UGT8: variants seen among roughly 807,000 people sequenced by gnomAD.
UGT8 encodes 2-hydroxyacylsphingosine 1-beta-galactosyltransferase.
In UGT8, 12 loss-of-function variants were observed where a neutral mutation model predicts 40.5. The observed-to-expected ratio is 0.30, with a 90% confidence interval of 0.19 to 0.48. The LOEUF is 0.48. UGT8 is among the 20% of genes least tolerant of loss of function. The probability of loss-of-function intolerance (pLI) is 0.99; values close to 1 mark genes in which losing one functional copy is unlikely to be tolerated. For synonymous variants in UGT8, 224 were observed against 240.4 expected (o/e 0.93, Z 0.63); for missense variants, 513 against 648.7 (o/e 0.79, Z 2.27).
chr4:114,605,693 G>T (rs556554222), intron 1 of UGT8, among the ~76,000 whole-genome samples: 1 of 152,200 alleles, frequency 6.6e-6, no homozygotes, highest in African/African-American at 2.4e-5. Flanking sequence ...ATGTGCACAT[G>T]AATTTACAAA....
intron 1 of UGT8, among the ~76,000 whole-genome samples, chr4:114,619,750 A>T (rs1244213913): frequency 1.3e-5 from 2 of 151,906 alleles, no homozygotes; most frequent in African/African-American, 4.8e-5. Flanking sequence ...AGATTTGCAG[A>T]TGGTAATAAT....
At chr4:114,602,333 G>A (rs1424175459) in intron 1 of UGT8, among the ~76,000 whole-genome samples, 2 of 152,154 alleles carry the variant, frequency 1.3e-5, no homozygotes, top group African/African-American at 4.8e-5. Flanking sequence ...TTCTACCCCG[G>A]AAGTCCAGAA....
At chr4:114,613,728 A>G (rs887290402) in intron 1 of UGT8, among the ~76,000 whole-genome samples, 1 of 152,144 alleles carries the variant, frequency 6.6e-6, no homozygotes, top group Middle Eastern at 3.2e-3. Context: ...GGAGAATTGC[A>G]TAAATATCCC....
At chr4:114,636,773 C>G (rs998769638) in intron 2 of UGT8, among the ~76,000 whole-genome samples, 2 of 152,128 alleles carry the variant, frequency 1.3e-5, no homozygotes, top group Non-Finnish European at 2.9e-5. Flanking sequence ...CATTGGAACC[C>G]TGTGGCCACA....
chr4:114,619,910 A>G (rs1731677887), intron 1 of UGT8, among the ~76,000 whole-genome samples: 1 of 151,544 alleles, frequency 6.6e-6, no homozygotes. Flanking sequence ...TGTATTGCTT[A>G]GTTTGTTTTC....
In UGT8 at chr4:114,616,441, C is replaced by T. The variant is rs573981756; in HGVS notation, c.-2-6438C>T. Reference sequence around the variant, plus strand: ...CTCCTGGTGTGCTGTTTGCTAAGACCGTTGGAAAAGTGCAGTATTAGGGTG... The same window carrying T: ...CTCCTGGTGTGCTGTTTGCTAAGACTGTTGGAAAAGTGCAGTATTAGGGTG... On this transcript the variant is annotated intron_variant, in intron 1 of 5. Coordinates refer to ENST00000310836, the MANE Select transcript of UGT8 (RefSeq NM_001128174.3). Among the ~76,000 whole-genome samples, 10 of 152,268 alleles carry T rather than the reference C, an allele frequency of 6.6e-5. No individual in the cohort carries two copies. The East Asian group carries it at 1.4e-3, about 21-fold the overall frequency.
At chr4:114,650,189 C>G (rs10008981) in intron 2 of UGT8, among the ~76,000 whole-genome samples, 27,053 of 152,126 alleles carry the variant, frequency 0.18, 2,602 homozygotes, top group Middle Eastern at 0.22. Flanking sequence ...TTTGGAGTTG[C>G]ATTATTTCAG....
chr4:114,622,842 T>C (rs1314114130), intron 1 of UGT8, 37 bp from the exon 2 acceptor site: 2 of 1,536,594 alleles, frequency 1.3e-6, no homozygotes, highest in Non-Finnish European at 1.8e-6. Flanking sequence ...GTGAGCATTG[T>C]ATTTTGTTTT....
chr4:114,650,983 C>T (rs1733864776), intron 2 of UGT8, among the ~76,000 whole-genome samples: 1 of 151,906 alleles, frequency 6.6e-6, no homozygotes, highest in East Asian at 1.9e-4. Context: ...TATAGACTTT[C>T]CTACCTGAAA....
At chr4:114,645,664 C>T (rs987323679) in intron 2 of UGT8, among the ~76,000 whole-genome samples, 2 of 152,036 alleles carry the variant, frequency 1.3e-5, no homozygotes, top group African/African-American at 4.8e-5. Flanking sequence ...GAAAAACCTG[C>T]TTATACTAAA....
At chr4:114,639,869 G>T (rs758399293) in intron 2 of UGT8, among the ~76,000 whole-genome samples, 1 of 152,180 alleles carries the variant, frequency 6.6e-6, no homozygotes, top group Non-Finnish European at 1.5e-5. Context: ...TGGAGGAGAA[G>T]GGGATCATAT....
chr4:114,600,201 G>C (rs1051585756), intron 1 of UGT8, among the ~76,000 whole-genome samples: 1 of 152,114 alleles, frequency 6.6e-6, no homozygotes, highest in Non-Finnish European at 1.5e-5. Flanking sequence ...TTATGAGCCA[G>C]TGTTAGCAGT....
chr4:114,664,707 A>G (rs547210438), intron 3 of UGT8, among the ~76,000 whole-genome samples: 3 of 152,354 alleles, frequency 2.0e-5, no homozygotes, highest in African/African-American at 7.2e-5. Context: ...AGGCATTGCC[A>G]GCACATGACT....
intron 2 of UGT8, among the ~76,000 whole-genome samples, chr4:114,642,541 T>G (rs1733291765): frequency 6.6e-6 from 1 of 152,164 alleles, no homozygotes; most frequent in Non-Finnish European, 1.5e-5. Flanking sequence ...TTTTGCTTCC[T>G]GAATCCTCCT....
chr4:114,664,994 T>G (rs1329944994), intron 3 of UGT8, among the ~76,000 whole-genome samples: 1 of 152,222 alleles, frequency 6.6e-6, no homozygotes, highest in East Asian at 1.9e-4. Flanking sequence ...TTCAGGACTT[T>G]TCCCTTCAGA....
chr4:114,653,469 C>T (rs1244856508), intron 2 of UGT8, among the ~76,000 whole-genome samples: 3 of 152,090 alleles, frequency 2.0e-5, no homozygotes, highest in African/African-American at 4.8e-5. Context: ...CCTGCACTTA[C>T]TGTCTTTCTC....
At chr4:114,607,160 G>C (rs1206740482) in intron 1 of UGT8, among the ~76,000 whole-genome samples, 1 of 152,144 alleles carries the variant, frequency 6.6e-6, no homozygotes, top group Non-Finnish European at 1.5e-5. Context: ...CCTATAGGTA[G>C]TAGCATTTTA....
chr4:114,631,345 G>A (rs535829516), intron 2 of UGT8, among the ~76,000 whole-genome samples: 9 of 152,182 alleles, frequency 5.9e-5, no homozygotes, highest in South Asian at 4.1e-4. Flanking sequence ...TTAGCAGGGC[G>A]TTGTTGTGGT....
chr4:114,605,246 A>T (rs564860977), intron 1 of UGT8, among the ~76,000 whole-genome samples: 1 of 152,286 alleles, frequency 6.6e-6, no homozygotes, highest in South Asian at 2.1e-4. Flanking sequence ...CATTTATGTA[A>T]ATATTAAAAC....
Sources: gnomAD v4.1 joint callset for allele counts (sites outside exome capture counted in the v4.1 genomes callset) on GRCh38, gnomAD v4.1.1 for gene constraint, MANE v1.5 for transcripts, NCBI Gene and HGNC (gene_info 2026-07-23, HGNC 2026-07-21) for gene names.